Variants in BMPR1B observed in about 807,000 individuals in gnomAD.
BMPR1B encodes the protein bone morphogenetic protein receptor type 1B.
In BMPR1B, 12 loss-of-function variants were observed where a neutral mutation model predicts 59.1. That is an observed-to-expected ratio of 0.20 (90% confidence interval 0.13 to 0.33). The LOEUF is 0.33. Among genes scored for constraint, BMPR1B ranks in the 10% least tolerant of loss-of-function variants. The pLI, the probability that BMPR1B is intolerant of heterozygous loss-of-function variation, is 1.00. For missense variants in BMPR1B, 550 were observed against 610.9 expected (o/e 0.90, Z 1.05); for synonymous variants, 237 against 207.3 (o/e 1.14, Z -1.23).
intron 1 of BMPR1B, among the ~76,000 whole-genome samples, chr4:94,793,106 C>A (rs531624436): frequency 1.3e-5 from 2 of 151,684 alleles, no homozygotes; most frequent in Non-Finnish European, 1.5e-5. Context: ...CATGCTGGTG[C>A]GCTGCACCCA....
In BMPR1B at chr4:95,154,777, A is replaced by ACATC; in HGVS notation, c.*105_*108dup. 1 of 1,528,368 alleles carries ACATC rather than the reference A, an allele frequency of 6.5e-7. No individual in the cohort carries two copies. The highest frequency in any genetic ancestry group is 1.4e-5 in the African/African-American group (1 of 73,238). 94.7% of individuals were successfully genotyped at this position (1,528,368 alleles called of 1,614,324 possible). A position where few individuals can be genotyped will look rare whatever the true frequency, so the allele number is the denominator to read the frequency against. ...TAAGCATCCACAGTACAAGCCTTGA[A>ACATC]CATCGTCCTGCTTCCCAGTGGGTTC... On this transcript the variant is annotated 3_prime_UTR_variant, in exon 13 of 13. Coordinates refer to ENST00000515059, the MANE Select transcript of BMPR1B (RefSeq NM_001203.3).
At chr4:94,796,279 C>G (rs1264046257) in intron 1 of BMPR1B, among the ~76,000 whole-genome samples, 1 of 152,150 alleles carries the variant, frequency 6.6e-6, no homozygotes, top group Non-Finnish European at 1.5e-5. Context: ...TTTACATAAC[C>G]TTTAAAAAAT....
intron 2 of BMPR1B, among the ~76,000 whole-genome samples, chr4:94,993,372 C>G (rs1244728873): frequency 6.6e-6 from 1 of 152,170 alleles, no homozygotes; most frequent in Non-Finnish European, 1.5e-5. Context: ...AAAGCACACC[C>G]TTATCCATCC....
At chr4:94,864,328 G>C (rs544572628) in intron 1 of BMPR1B, among the ~76,000 whole-genome samples, 19 of 152,170 alleles carry the variant, frequency 1.2e-4, no homozygotes, top group African/African-American at 3.6e-4. Flanking sequence ...GCAGGAGAGA[G>C]ATGTCAGCAT....
intron 6 of BMPR1B, among the ~76,000 whole-genome samples, chr4:95,121,859 C>T (rs1416411412): frequency 6.6e-6 from 1 of 152,080 alleles, no homozygotes; most frequent in Non-Finnish European, 1.5e-5. Context: ...AACTAACACA[C>T]CTACTTCTGG....
intron 3 of BMPR1B, among the ~76,000 whole-genome samples, chr4:95,005,177 A>G (rs1172539282): frequency 1.3e-5 from 2 of 152,170 alleles, no homozygotes; most frequent in Non-Finnish European, 2.9e-5. Context: ...GAAATGTGAT[A>G]TTTGTGCTAA....
chr4:95,154,719 C>G lies in BMPR1B; in HGVS notation c.*46C>G. The stretch of plus-strand genomic sequence containing the variant: ...TCTCTGCAGAAAGCCAACAGGTACT[C>G]TTCTGTTTGTGGGCAGAGCAAAAGA... On this transcript the variant is annotated 3_prime_UTR_variant, in exon 13 of 13. Transcript: ENST00000515059. 6.2e-7 allele frequency: 1 copy of G among 1,610,346 alleles called. No individual in the cohort carries two copies. The highest frequency in any genetic ancestry group is 8.5e-7 in the Non-Finnish European group (1 of 1,177,000).
At chr4:94,922,835 C>G (rs1728753172) in intron 2 of BMPR1B, among the ~76,000 whole-genome samples, 1 of 152,084 alleles carries the variant, frequency 6.6e-6, no homozygotes, top group Admixed American at 6.6e-5. Flanking sequence ...CCTTTACACC[C>G]TCTATAAGGT....
intron 1 of BMPR1B, among the ~76,000 whole-genome samples, chr4:94,770,647 T>C (rs1295583565): frequency 2.0e-5 from 3 of 152,124 alleles, no homozygotes; most frequent in African/African-American, 7.2e-5. Flanking sequence ...TGTAAAAATG[T>C]TAAGGCTACT....
At chr4:95,139,581 C>T (rs1005133643) in intron 10 of BMPR1B, among the ~76,000 whole-genome samples, 2 of 152,328 alleles carry the variant, frequency 1.3e-5, no homozygotes, top group East Asian at 3.9e-4. Context: ...AGCTTCCTGG[C>T]TGCTTTGTTT....
chr4:94,761,641 TGAA>T (rs986524647), intron 1 of BMPR1B, among the ~76,000 whole-genome samples: 3 of 152,178 alleles, frequency 2.0e-5, no homozygotes, highest in Non-Finnish European at 4.4e-5. Context: ...TAAAAAAACT[TGAA>T]GACCACTTTA....
chr4:95,092,190 A>T (rs1730045158), intron 3 of BMPR1B, among the ~76,000 whole-genome samples: 1 of 152,176 alleles, frequency 6.6e-6, no homozygotes, highest in African/African-American at 2.4e-5. Flanking sequence ...TTTCAAAAAT[A>T]TAGTTGCTAA....
intron 1 of BMPR1B, among the ~76,000 whole-genome samples, chr4:94,783,439 C>T (rs182686147): frequency 1.2e-3 from 179 of 152,302 alleles, no homozygotes; most frequent in African/African-American, 4.2e-3. Flanking sequence ...TACCCTTAGG[C>T]TTGAACTTCC....
intron 1 of BMPR1B, among the ~76,000 whole-genome samples, chr4:94,809,305 A>G (rs896119390): frequency 1.3e-5 from 2 of 152,218 alleles, no homozygotes; most frequent in Non-Finnish European, 1.5e-5. Flanking sequence ...TTATACTACT[A>G]TAATTTTAAA....
Position 95,140,627 on chromosome 4 carries a change from G to T in BMPR1B, c.1077-8121G>T, listed in dbSNP as rs1734162875. 1.3e-5 allele frequency among the ~76,000 whole-genome samples: 2 copies of T among 152,102 alleles called. 1 individual carries two copies. The highest frequency in any genetic ancestry group is 4.1e-4 in the South Asian group (2 of 4,820). ...CTCTTTAATTTCCCGGTCTTTGTCT[G>T]CTTGGTATTATAATTATTTTGGGAC... On this transcript the variant is annotated intron_variant, in intron 10 of 12. Coordinates refer to ENST00000515059, the MANE Select transcript of BMPR1B (RefSeq NM_001203.3).
At chr4:94,994,793 A>C (rs917987000) in intron 2 of BMPR1B, among the ~76,000 whole-genome samples, 4 of 151,646 alleles carry the variant, frequency 2.6e-5, no homozygotes, top group Admixed American at 1.3e-4. Context: ...GTAAGATTTT[A>C]GTAAGCTTTC....
At chr4:94,914,388 TAGAC>T (rs1317484439) in intron 2 of BMPR1B, among the ~76,000 whole-genome samples, 1 of 152,114 alleles carries the variant, frequency 6.6e-6, no homozygotes, top group African/African-American at 2.4e-5. Context: ...GGGCTGGACA[TAGAC>T]AGCTAGTAAT....
intron 3 of BMPR1B, among the ~76,000 whole-genome samples, chr4:95,055,741 C>A (rs1005833682): frequency 4.6e-5 from 7 of 152,090 alleles, no homozygotes; most frequent in African/African-American, 1.7e-4. Context: ...TTTGGTTTCA[C>A]CTTTTTTTAT....
chr4:95,077,530 G>A (rs1242710025), intron 3 of BMPR1B, among the ~76,000 whole-genome samples: 1 of 152,162 alleles, frequency 6.6e-6, no homozygotes, highest in Non-Finnish European at 1.5e-5. Context: ...AAGCGCACAA[G>A]CACTTTGCTA....
Sources: gnomAD v4.1 joint callset for allele counts (sites outside exome capture counted in the v4.1 genomes callset) on GRCh38, gnomAD v4.1.1 for gene constraint, MANE v1.5 for transcripts, NCBI Gene and HGNC (gene_info 2026-07-23, HGNC 2026-07-21) for gene names.